Variants in C7orf33 observed in about 807,000 individuals in gnomAD.
The protein encoded by C7orf33 is chromosome 7 open reading frame 33, also known as uncharacterized protein C7orf33.
C7orf33 carries 15 observed loss-of-function variants against 13.4 expected under a neutral mutation model. The ratio of observed to expected loss-of-function variants is 1.12; its 90% CI spans 0.75 to 1.72. The LOEUF (loss-of-function observed/expected upper bound fraction) is 1.72, where lower values mean the gene tolerates loss of function less well. Among genes scored for constraint, C7orf33 ranks in the 40% most tolerant of loss-of-function variants. The pLI, the probability that C7orf33 is intolerant of heterozygous loss-of-function variation, is 0.00. For synonymous variants in C7orf33, 73 were observed against 83.2 expected (o/e 0.88, Z 0.67); for missense variants, 187 against 220.3 (o/e 0.85, Z 0.96).
At chr7:148,614,340 C>T in intron 2 of C7orf33, 44 bp downstream of exon 2, 1 of 1,578,264 alleles carries the variant, frequency 6.3e-7, no homozygotes, top group Admixed American at 1.8e-5. Context: ...TAAGGAAACC[C>T]ACGGGATGCT....
chr7:148,613,800 C>T (rs760597857), intron 1 of C7orf33, among the ~76,000 whole-genome samples: 1 of 152,120 alleles, frequency 6.6e-6, no homozygotes, highest in Admixed American at 6.5e-5. Context: ...TGGTGTATTA[C>T]CTGTGAATGA....
At chr7:148,601,914 A>AT (rs901314427) in intron 1 of C7orf33, among the ~76,000 whole-genome samples, 6 of 150,942 alleles carry the variant, frequency 4.0e-5, no homozygotes, top group South Asian at 2.1e-4. Context: ...TGCCCAGCTG[A>AT]TTTTTTTTAT....
Position 148,615,617 on chromosome 7 carries a change from A to G in C7orf33, c.*216A>G, listed in dbSNP as rs1247283297. On this transcript the variant is annotated 3_prime_UTR_variant, in exon 3 of 3. Coordinates refer to ENST00000307003, the MANE Select transcript of C7orf33 (RefSeq NM_145304.4). ...GTGTACCTGCAGGAATCTGTGTGGC[A>G]TTTGTGCACTGGTGTGGGGCCCAGG... is the stretch of plus-strand genomic sequence containing the variant. 4.3e-6 allele frequency: 2 copies of G among 464,608 alleles called. No homozygotes were observed. The highest frequency in any genetic ancestry group is 7.9e-6 in the Non-Finnish European group (2 of 252,812). 28.8% of individuals were successfully genotyped at this position (464,608 alleles called of 1,614,324 possible).
At chr7:148,600,143 A>ATG (rs1563121841) in intron 1 of C7orf33, among the ~76,000 whole-genome samples, 1 of 151,998 alleles carries the variant, frequency 6.6e-6, no homozygotes, top group African/African-American at 2.4e-5. Context: ...GGGGATGGGA[A>ATG]GAACCAGAGG....
In C7orf33 at chr7:148,614,069, C is replaced by G. The variant is rs566641914; in HGVS notation, c.232C>G (p.Arg78Gly). The part of the protein sequence containing the change: ...KKPNPHQNMN[R>G]GMEFIAPVSA... ...GCCAAACCCACACCAAAACATGAAC[C>G]GGGGGATGGAATTTATTGCTCCTGT... is the stretch of plus-strand genomic sequence containing the variant. Residue 78 changes from arginine (R) to glycine (G), a missense_variant, in exon 2 of 3, where the codon CGG becomes GGG. Arg to Gly is a moderately radical substitution (Grantham distance 125). Coordinates refer to ENST00000307003, the MANE Select transcript of C7orf33 (RefSeq NM_145304.4). 15 of 1,613,932 alleles carry G rather than the reference C, an allele frequency of 9.3e-6. No individual in the cohort carries two copies. The highest frequency in any genetic ancestry group is 1.1e-5 in the South Asian group (1 of 91,066).
intron 1 of C7orf33, among the ~76,000 whole-genome samples, chr7:148,603,926 G>A (rs1248047503): frequency 4.6e-5 from 7 of 151,982 alleles, no homozygotes; most frequent in African/African-American, 1.2e-4. Flanking sequence ...GTCATTATAC[G>A]AAAAAGATAC....
At chr7:148,598,699 T>G (rs1467933695) in intron 1 of C7orf33, among the ~76,000 whole-genome samples, 1 of 140,322 alleles carries the variant, frequency 7.1e-6, no homozygotes, top group African/African-American at 2.6e-5. Context: ...TATATATGTA[T>G]ATATATAAAA....
intron 1 of C7orf33, among the ~76,000 whole-genome samples, chr7:148,603,283 T>C (rs1411500344): frequency 6.6e-6 from 1 of 151,970 alleles, no homozygotes; most frequent in Non-Finnish European, 1.5e-5. Flanking sequence ...ATCTGGCTAC[T>C]AAAGAATCAA....
intron 1 of C7orf33, among the ~76,000 whole-genome samples, chr7:148,606,836 G>A (rs1032035394): frequency 5.9e-5 from 9 of 151,648 alleles, no homozygotes; most frequent in South Asian, 2.1e-4. Flanking sequence ...ATCCACCCAC[G>A]TTGGCCTCCC....
At chr7:148,596,712 ACAATT>A (rs1168667397) in intron 1 of C7orf33, among the ~76,000 whole-genome samples, 1 of 152,176 alleles carries the variant, frequency 6.6e-6, no homozygotes, top group African/African-American at 2.4e-5. Context: ...TTATGGGAGT[ACAATT>A]CAATTTGAGA....
In C7orf33 at chr7:148,599,292, C is replaced by T. The variant is rs181921654; in HGVS notation, c.204+8163C>T. On this transcript the variant is annotated intron_variant, in intron 1 of 2. Coordinates refer to ENST00000307003, the MANE Select transcript of C7orf33 (RefSeq NM_145304.4). ...TCTGAAATCTTAAGAAACGGGTCTA[C>T]CTCAAACATTATAGGGCCTGAGACA... Among the ~76,000 whole-genome samples, 66 of 152,132 alleles carry T rather than the reference C, an allele frequency of 4.3e-4. 1 individual carries two copies. The highest frequency in any genetic ancestry group is 1.6e-3 in the Admixed American group (24 of 15,262).
intron 1 of C7orf33, among the ~76,000 whole-genome samples, chr7:148,598,753 TATATATATATAGAG>T (rs1357520314): frequency 2.8e-3 from 174 of 62,362 alleles, no homozygotes; most frequent in Middle Eastern, 8.3e-3. Flanking sequence ...TATATATATA[TATATATATATAGAG>T]AGAGAGAGAG....
chr7:148,598,541 C>T (rs1268162064), intron 1 of C7orf33, among the ~76,000 whole-genome samples: 1 of 151,468 alleles, frequency 6.6e-6, no homozygotes, highest in Non-Finnish European at 1.5e-5. Context: ...CTAAACTTGA[C>T]GTTATGTTGC....
Position 148,590,983 on chromosome 7 carries a change from C to A in C7orf33, c.58C>A (p.Pro20Thr). ...LEECPWRLPG[P>T]QCECEALLPS... Reference sequence around the variant, plus strand: ...AGAGTGTCCCTGGAGACTTCCAGGCCCCCAATGTGAATGTGAAGCCCTCCT... The same window carrying A: ...AGAGTGTCCCTGGAGACTTCCAGGCACCCAATGTGAATGTGAAGCCCTCCT... The change falls in exon 1 of 3, where the codon CCC (proline) becomes ACC (threonine). Residue 20 changes from proline (P) to threonine (T), a missense_variant. Physicochemically the swap from Pro to Thr is conservative, Grantham distance 38. Coordinates refer to ENST00000307003, the MANE Select transcript of C7orf33 (RefSeq NM_145304.4). The A allele has an allele frequency of 6.2e-7, 1 of 1,614,156 alleles. No individual in the cohort carries two copies. The highest frequency in any genetic ancestry group is 8.5e-7 in the Non-Finnish European group (1 of 1,180,018).
At chr7:148,611,846 C>G (rs1278726103) in intron 1 of C7orf33, among the ~76,000 whole-genome samples, 2 of 152,264 alleles carry the variant, frequency 1.3e-5, no homozygotes, top group African/African-American at 4.8e-5. Flanking sequence ...AAGCATTCAT[C>G]CCGGCATCTG....
At chr7:148,591,632 G>A (rs1796272906) in intron 1 of C7orf33, among the ~76,000 whole-genome samples, 1 of 152,128 alleles carries the variant, frequency 6.6e-6, no homozygotes, top group South Asian at 2.1e-4. Flanking sequence ...CCAGGCTGGA[G>A]TGCAGTGTCA....
At position 148,615,385 on chromosome 7, in the gene C7orf33, GA is replaced by G; in HGVS notation, c.520del (p.Thr174LeufsTer19). 6.2e-7 allele frequency: 1 copy of G among 1,612,408 alleles called. No homozygotes were observed. Among genetic ancestry groups the G allele is most frequent in the Non-Finnish European group, 8.5e-7 (1 of 1,178,456 alleles). On this transcript the variant is annotated frameshift_variant, in exon 3 of 3. Coordinates refer to ENST00000307003, the MANE Select transcript of C7orf33 (RefSeq NM_145304.4). LOFTEE classifies it high-confidence loss of function. ...QNSVEATRIS[R>X]TDSS ...TCTGTTGAGGCCACAAGGATTTCCAGAACTGACAGCAGTTAAGAATTTTGCA... is the reference window on the plus strand; with the variant it reads ...TCTGTTGAGGCCACAAGGATTTCCAGACTGACAGCAGTTAAGAATTTTGCA...
In C7orf33 at chr7:148,597,820, A is replaced by G. The variant is rs541642735; in HGVS notation, c.204+6691A>G. 1.3e-4 allele frequency among the ~76,000 whole-genome samples: 20 copies of G among 152,148 alleles called. No homozygotes were observed. In the East Asian group the frequency reaches 1.7e-3, roughly 13 times the overall value. ...GCCCAGGCTGGAGTGCAGTGGCGTG[A>G]TCTCAGCTTACTGCAAGCTCCGCTT... is the stretch of plus-strand genomic sequence containing the variant. On this transcript the variant is annotated intron_variant, in intron 1 of 2. Transcript: ENST00000307003.
At chr7:148,597,786 C>T (rs555902698) in intron 1 of C7orf33, among the ~76,000 whole-genome samples, 1 of 147,206 alleles carries the variant, frequency 6.8e-6, no homozygotes, top group Admixed American at 6.8e-5. Context: ...GACGGAATCT[C>T]GCACTGTCGC....
Sources: allele counts gnomAD v4.1 joint callset (sites outside exome capture counted in the v4.1 genomes callset), GRCh38; gene constraint gnomAD v4.1.1; transcripts MANE v1.5; gene names NCBI Gene and HGNC (gene_info 2026-07-23, HGNC 2026-07-21).